The following MFHAS1 variants were observed in gnomAD, a reference collection of about 807,000 sequenced individuals.
MFHAS1 encodes multifunctional ROCO family signaling regulator 1.
MFHAS1 carries 50 observed loss-of-function variants against 70.4 expected under a neutral mutation model. The ratio of observed to expected loss-of-function variants is 0.71; its 90% CI spans 0.57 to 0.90. MFHAS1 has a LOEUF of 0.90. MFHAS1 is among the 40% of genes least tolerant of loss of function. MFHAS1 has a pLI of 0.00. For missense variants in MFHAS1, 1,795 were observed against 1,347.6 expected, an observed-to-expected ratio of 1.33 and a Z score of -5.20; for synonymous variants, 952 against 620.0, an observed-to-expected ratio of 1.54 and a Z score of -7.96.
At chr8:8,797,586 G>A (rs1311455033) in intron 1 of MFHAS1, 95 bp from the exon 2 acceptor site, 6 of 1,355,636 alleles carry the variant, frequency 4.4e-6, no homozygotes, top group African/African-American at 2.9e-5. Context: ...GGGGCAGGGG[G>A]AGAAGGGCAG....
chr8:8,843,275 CAAA>C (rs565954183), intron 1 of MFHAS1, among the ~76,000 whole-genome samples: 2 of 123,682 alleles, frequency 1.6e-5, no homozygotes, highest in African/African-American at 3.3e-5. Context: ...GACTCCGTCT[CAAA>C]AAAAAAAAAA....
intron 1 of MFHAS1, among the ~76,000 whole-genome samples, chr8:8,881,593 G>C: frequency 6.6e-6 from 1 of 152,146 alleles, no homozygotes; most frequent in East Asian, 1.9e-4. Context: ...TCCCACTTTG[G>C]GAGGCTGAGG....
At chr8:8,818,205 A>ATCT (rs1806819566) in intron 1 of MFHAS1, among the ~76,000 whole-genome samples, 1 of 122,828 alleles carries the variant, frequency 8.1e-6, no homozygotes, top group Non-Finnish European at 2.0e-5. Flanking sequence ...TAGACTCAGA[A>ATCT]GAGTTTCTGG....
rs1805527973 is a variant in MFHAS1 at position 8,785,974 on chromosome 8, G to A, written c.*48C>T. 1.2e-6 allele frequency: 2 copies of A among 1,601,328 alleles called. No homozygotes were observed. The highest frequency in any genetic ancestry group is 1.1e-5 in the South Asian group (1 of 90,828). On this transcript the variant is annotated 3_prime_UTR_variant, in exon 3 of 3. Coordinates refer to ENST00000276282, the MANE Select transcript of MFHAS1 (RefSeq NM_004225.3). ...CTGCCAGGTGCAAAAGATGGTCCAG[G>A]TGTTCAGATGCTCTCTTTTCTCCAT...
intron 1 of MFHAS1, among the ~76,000 whole-genome samples, chr8:8,862,628 C>T (rs938257299): frequency 2.0e-5 from 3 of 152,064 alleles, no homozygotes; most frequent in Admixed American, 6.5e-5. Flanking sequence ...AAAACTCTTC[C>T]GTATGATACT....
chr8:8,823,435 C>T (rs1267942942), intron 1 of MFHAS1, among the ~76,000 whole-genome samples: 4 of 152,086 alleles, frequency 2.6e-5, no homozygotes, highest in South Asian at 2.1e-4. Flanking sequence ...TGCAAGTTCC[C>T]GAAACACCGT....
intron 1 of MFHAS1, among the ~76,000 whole-genome samples, chr8:8,841,608 G>C (rs1028356844): frequency 6.6e-6 from 1 of 152,194 alleles, no homozygotes; most frequent in Non-Finnish European, 1.5e-5. Flanking sequence ...ACAGTCGAGT[G>C]GAGGACTTTT....
At chr8:8,860,534 G>A (rs1808622594) in intron 1 of MFHAS1, among the ~76,000 whole-genome samples, 3 of 152,202 alleles carry the variant, frequency 2.0e-5, no homozygotes, top group Admixed American at 2.0e-4. Context: ...GGATTCTCTA[G>A]AATGTGTCTT....
At chr8:8,804,908 G>C (rs917560379) in intron 1 of MFHAS1, among the ~76,000 whole-genome samples, 1 of 152,020 alleles carries the variant, frequency 6.6e-6, no homozygotes, top group Non-Finnish European at 1.5e-5. Flanking sequence ...GAAGACGATC[G>C]TCCTGACAGT....
At chr8:8,792,301 G>A (rs998191762) in intron 2 of MFHAS1, among the ~76,000 whole-genome samples, 1 of 148,446 alleles carries the variant, frequency 6.7e-6, no homozygotes, top group Non-Finnish European at 1.5e-5. Flanking sequence ...TCCTGAAAGT[G>A]ACACTAAAAA....
chr8:8,888,211 G>A (rs969423827), intron 1 of MFHAS1, among the ~76,000 whole-genome samples: 2 of 152,284 alleles, frequency 1.3e-5, no homozygotes, highest in South Asian at 2.1e-4. Context: ...AACTGAATAC[G>A]CTGGCTTTTT....
At position 8,809,424 on chromosome 8, in the gene MFHAS1, C is replaced by G. The variant is rs1806463480; in HGVS notation, c.2999-11933G>C. ...ACAATGGCCCGACATGTAAGTATGT[C>G]CTTAAGAAAATGTGCACAAGGACTT... On this transcript the variant is annotated intron_variant, in intron 1 of 2. Coordinates refer to ENST00000276282, the MANE Select transcript of MFHAS1 (RefSeq NM_004225.3). Among the ~76,000 whole-genome samples, 4 of 152,024 alleles carry G rather than the reference C, an allele frequency of 2.6e-5. No homozygotes were observed. In the South Asian group the frequency reaches 6.2e-4, roughly 24 times the overall value.
At chr8:8,880,975 C>A (rs1253151778) in intron 1 of MFHAS1, among the ~76,000 whole-genome samples, 1 of 152,090 alleles carries the variant, frequency 6.6e-6, no homozygotes, top group Admixed American at 6.6e-5. Context: ...TGAGCCATCA[C>A]GCCTGACCCA....
chr8:8,801,305 C>A (rs1484833119), intron 1 of MFHAS1, among the ~76,000 whole-genome samples: 1 of 152,210 alleles, frequency 6.6e-6, no homozygotes, highest in Non-Finnish European at 1.5e-5. Flanking sequence ...CCACGTCACA[C>A]AGAGCCAGGT....
chr8:8,827,180 G>C (rs910411248), intron 1 of MFHAS1, among the ~76,000 whole-genome samples: 5 of 152,112 alleles, frequency 3.3e-5, no homozygotes, highest in Non-Finnish European at 5.9e-5. Flanking sequence ...ACAATATTTT[G>C]CTGGACACCT....
At chr8:8,815,612 G>A (rs961778201) in intron 1 of MFHAS1, among the ~76,000 whole-genome samples, 1 of 152,128 alleles carries the variant, frequency 6.6e-6, no homozygotes, top group Non-Finnish European at 1.5e-5. Flanking sequence ...TTTTTCTAAT[G>A]ACCAGTGATG....
intron 1 of MFHAS1, among the ~76,000 whole-genome samples, chr8:8,817,351 CA>C (rs1249745384): frequency 1.1e-4 from 17 of 152,284 alleles, no homozygotes; most frequent in African/African-American, 4.1e-4. Flanking sequence ...CCATTTGTAT[CA>C]GAGGTAATTC....
At chr8:8,823,415 G>A (rs975764396) in intron 1 of MFHAS1, among the ~76,000 whole-genome samples, 6 of 152,100 alleles carry the variant, frequency 3.9e-5, no homozygotes, top group Non-Finnish European at 5.9e-5. Flanking sequence ...CTGGTGCTGC[G>A]CTAACTCCCT....
chr8:8,799,585 G>A lies in MFHAS1; in HGVS notation c.2999-2094C>T, dbSNP rs369904984. 1.1e-4 allele frequency among the ~76,000 whole-genome samples: 16 copies of A among 152,254 alleles called. No homozygotes were observed. In the East Asian group the frequency reaches 2.7e-3, roughly 26 times the overall value. On this transcript the variant is annotated intron_variant, in intron 1 of 2. Transcript: ENST00000276282. ...AGCCTGGCCAACATGGTAAAACCCA[G>A]TCTCTACTAGAAATACAAAAATCAG...
Sources: allele counts gnomAD v4.1 joint callset (sites outside exome capture counted in the v4.1 genomes callset), GRCh38; gene constraint gnomAD v4.1.1; transcripts MANE v1.5; gene names NCBI Gene and HGNC (gene_info 2026-07-23, HGNC 2026-07-21).